TPH2: variants seen among roughly 807,000 people sequenced by gnomAD.
TPH2 encodes the protein tryptophan hydroxylase 2, also known as tryptophan 5-hydroxylase 2.
In TPH2, 27 loss-of-function variants were observed where a neutral mutation model predicts 59.1. The observed-to-expected ratio is 0.46, with a 90% CI of 0.34 to 0.63. The LOEUF (loss-of-function observed/expected upper bound fraction) is 0.63. Ranked by LOEUF, TPH2 falls within the 30% of genes least tolerant of loss-of-function variation. The probability of loss-of-function intolerance (pLI) is 0.01; values close to 1 mark genes in which losing one functional copy is unlikely to be tolerated. For missense variants in TPH2, 523 were observed against 588.3 expected (o/e 0.89, Z 1.15); for synonymous variants, 220 against 210.5 (o/e 1.05, Z -0.39).
intron 7 of TPH2, among the ~76,000 whole-genome samples, chr12:71,985,334 TTTGTTG>T (rs575391023): frequency 2.0e-5 from 3 of 152,064 alleles, no homozygotes; most frequent in African/African-American, 7.2e-5. Flanking sequence ...GAATAGCATT[TTTGTTG>T]TTGTTGTTGT....
intron 4 of TPH2, among the ~76,000 whole-genome samples, chr12:71,947,265 G>A (rs1051868237): frequency 6.6e-6 from 1 of 152,056 alleles, no homozygotes; most frequent in Admixed American, 6.6e-5. Context: ...AATGTGGCCA[G>A]GTTTGATGTA....
chr12:71,982,987 ATACAC>A (rs1872327639), intron 7 of TPH2, among the ~76,000 whole-genome samples: 1 of 152,176 alleles, frequency 6.6e-6, no homozygotes, highest in South Asian at 2.1e-4. Flanking sequence ...TCTAAACCTG[ATACAC>A]TAGAAACCAA....
intron 4 of TPH2, among the ~76,000 whole-genome samples, chr12:71,947,420 A>C (rs931422787): frequency 1.3e-5 from 2 of 151,082 alleles, no homozygotes; most frequent in African/African-American, 2.4e-5. Flanking sequence ...TGAGAGAGGG[A>C]GGGTGGGTAC....
chr12:72,030,195 C>T (rs1321184188), intron 9 of TPH2, among the ~76,000 whole-genome samples: 2 of 152,136 alleles, frequency 1.3e-5, no homozygotes, highest in South Asian at 2.1e-4. Context: ...TCTCTCCCAA[C>T]TAATTTCCCC....
intron 5 of TPH2, 111 bp from the exon 6 acceptor site, chr12:71,972,408 C>T: frequency 9.9e-7 from 1 of 1,013,278 alleles, no homozygotes; most frequent in Non-Finnish European, 1.6e-6. Context: ...CTTTCAGACG[C>T]TCATGTGCTC....
At chr12:72,027,523 C>T (rs563940082) in intron 9 of TPH2, among the ~76,000 whole-genome samples, 17 of 152,144 alleles carry the variant, frequency 1.1e-4, no homozygotes, top group African/African-American at 3.6e-4. Context: ...CCCAAGGACA[C>T]GTAGTTAGGT....
chr12:72,014,395 C>CT (rs71437200), intron 8 of TPH2, among the ~76,000 whole-genome samples: 76,210 of 139,712 alleles, frequency 0.55, 21,010 homozygotes, highest in Middle Eastern at 0.61. Context: ...TTCTTTTTTT[C>CT]TTTTTTTTTT....
At chr12:72,027,373 C>G (rs1566174441) in intron 9 of TPH2, among the ~76,000 whole-genome samples, 1 of 152,214 alleles carries the variant, frequency 6.6e-6, no homozygotes. Flanking sequence ...ACTAAATATA[C>G]TGAGCACTTC....
chr12:71,962,477 T>C, intron 5 of TPH2: 1 of 985,224 alleles, frequency 1.0e-6, no homozygotes, highest in Non-Finnish European at 1.2e-6. Flanking sequence ...AAAACTGAAT[T>C]GAGAAAATTA....
chr12:72,002,494 C>A (rs1349668483), intron 8 of TPH2, among the ~76,000 whole-genome samples: 1 of 152,156 alleles, frequency 6.6e-6, no homozygotes, highest in Non-Finnish European at 1.5e-5. Flanking sequence ...CTGATAATGG[C>A]AAGGTTAGAA....
rs1231520409 is a variant in TPH2 at position 71,962,214 on chromosome 12, T to C, written c.609-10305T>C. The stretch of plus-strand genomic sequence containing the variant: ...AATGTTTTGAAATTCAGGCATCATT[T>C]AGATGGTTGTTAAGTTGCTGTACTG... On this transcript the variant is annotated intron_variant, in intron 5 of 10. Coordinates refer to ENST00000333850, the MANE Select transcript of TPH2 (RefSeq NM_173353.4). 3.0e-6 allele frequency: 3 copies of C among 985,864 alleles called. No individual in the cohort carries two copies. The African/African-American group carries it at 5.2e-5, about 17-fold the overall frequency. 61.1% of individuals were successfully genotyped at this position (985,864 alleles called of 1,614,324 possible).
At chr12:71,948,537 A>C (rs1407061930) in intron 4 of TPH2, among the ~76,000 whole-genome samples, 1 of 152,160 alleles carries the variant, frequency 6.6e-6, no homozygotes, top group Non-Finnish European at 1.5e-5. Flanking sequence ...TTTGCTAATG[A>C]GTTTGAGGCT....
At chr12:71,958,864 C>T (rs956080963) in intron 5 of TPH2, among the ~76,000 whole-genome samples, 8 of 152,152 alleles carry the variant, frequency 5.3e-5, no homozygotes, top group Admixed American at 2.0e-4. Flanking sequence ...CACAGCTAAA[C>T]AGAGACCCTA....
In TPH2 at chr12:72,031,539, TA is replaced by T. The variant is rs1873721797; in HGVS notation, c.1318del (p.Thr440ProfsTer18). The stretch of plus-strand genomic sequence containing the variant: ...TCTGCAGGGACTTTGCAAAGTCAAT[TA>T]CCCGTCCCTTCTCAGTATACTTCAA... ...EKMRDFAKSITRPFSVYFNPY... is the reference protein window; with the variant it reads ...EKMRDFAKSIXRPFSVYFNPY... On this transcript the variant is annotated frameshift_variant, in exon 11 of 11. Transcript: ENST00000333850. LOFTEE classifies it high-confidence loss of function. 2 of 1,613,584 alleles carry T rather than the reference TA, an allele frequency of 1.2e-6. No homozygotes were observed. Among genetic ancestry groups the T allele is most frequent in the Non-Finnish European group, 1.7e-6 (2 of 1,179,650 alleles).
chr12:71,982,228 C>T (rs1872306621), intron 7 of TPH2, among the ~76,000 whole-genome samples: 1 of 151,814 alleles, frequency 6.6e-6, no homozygotes, highest in Admixed American at 6.6e-5. Context: ...TGGTCTTGAA[C>T]TCCTGACCTC....
intron 8 of TPH2, among the ~76,000 whole-genome samples, chr12:72,000,130 T>A (rs2139226609): frequency 6.6e-6 from 1 of 152,258 alleles, no homozygotes; most frequent in African/African-American, 2.4e-5. Flanking sequence ...GGATGGTAAA[T>A]CTAGTTCAAA....
intron 6 of TPH2, among the ~76,000 whole-genome samples, chr12:71,975,054 A>G (rs1566134413): frequency 6.6e-6 from 1 of 152,136 alleles, no homozygotes; most frequent in Admixed American, 6.5e-5. Context: ...TAATGTGTCT[A>G]TTAAAAATAT....
chr12:71,961,448 A>C (rs1871679848), intron 5 of TPH2: 4 of 1,042,486 alleles, frequency 3.8e-6, no homozygotes, highest in African/African-American at 1.7e-5. Context: ...CACTCTGAAA[A>C]AGATAGGGCC....
chr12:72,020,635 C>T (rs917165648), intron 8 of TPH2, among the ~76,000 whole-genome samples: 5 of 152,002 alleles, frequency 3.3e-5, no homozygotes, highest in Non-Finnish European at 7.4e-5. Flanking sequence ...ATTACAGGTG[C>T]ACCACCACGC....
Sources: allele counts gnomAD v4.1 joint callset (sites outside exome capture counted in the v4.1 genomes callset), GRCh38; gene constraint gnomAD v4.1.1; transcripts MANE v1.5; gene names NCBI Gene and HGNC (gene_info 2026-07-23, HGNC 2026-07-21).